PREX1: variants seen among roughly 807,000 people sequenced by gnomAD.
PREX1 encodes the protein phosphatidylinositol-3,4,5-trisphosphate dependent Rac exchange factor 1.
Under a neutral mutation model 198.3 loss-of-function variants are expected in PREX1, and 41 were observed. The observed-to-expected ratio is 0.21, with a 90% confidence interval of 0.16 to 0.27. The LOEUF (loss-of-function observed/expected upper bound fraction) is 0.27. Ranked by LOEUF, PREX1 falls within the 10% of genes least tolerant of loss-of-function variation. The pLI is 1.00. For synonymous variants in PREX1, 843 were observed against 887.2 expected (o/e 0.95, Z 0.89); for missense variants, 1,620 against 2,200.7 (o/e 0.74, Z 5.28).
In PREX1 at chr20:48,747,817, T is replaced by A; in HGVS notation, c.283A>T (p.Asn95Tyr). ...AGCCCCAGCGTCCACACCTTGACAT[T>A]CTCCTCCGTGAGGCCCTTCTCCACT... ...DSVEKGLTEE[N>Y]VKVLFSNIED... Residue 95 changes from asparagine to tyrosine, a missense_variant, in exon 2 of 40, where the codon AAT becomes TAT. By Grantham distance (143) the Asn-to-Tyr change is moderately radical (BLOSUM62 -2). Around this residue, in one of 7 missense-constraint regions of PREX1, gnomAD observed 488 missense variants for 802.5 expected, o/e 0.61. Transcript: ENST00000371941. 1.2e-6 allele frequency: 2 copies of A among 1,613,110 alleles called. No homozygotes were observed. Among genetic ancestry groups the A allele is most frequent in the Non-Finnish European group, 1.7e-6 (2 of 1,179,520 alleles).
At position 48,625,532 on chromosome 20, in the gene PREX1, G is replaced by A. The variant is rs537616327; in HGVS notation, c.*353C>T. On this transcript the variant is annotated 3_prime_UTR_variant, in exon 40 of 40. Transcript: ENST00000371941. Reference sequence around the variant, plus strand: ...TCAAAAGTGCAGGCGGAGCCATCCCGAGGGAGCCGGGTGGCCCCATGTGGC... The same window carrying A: ...TCAAAAGTGCAGGCGGAGCCATCCCAAGGGAGCCGGGTGGCCCCATGTGGC... 23 of 262,194 alleles carry A rather than the reference G, an allele frequency of 8.8e-5. No individual in the cohort carries two copies. The highest frequency in any genetic ancestry group is 2.9e-4 in the African/African-American group (13 of 44,634). 16.2% of individuals were successfully genotyped at this position (262,194 alleles called of 1,614,324 possible).
chr20:48,686,595 A>G (rs2089786172), intron 10 of PREX1, among the ~76,000 whole-genome samples: 1 of 152,060 alleles, frequency 6.6e-6, no homozygotes, highest in Non-Finnish European at 1.5e-5. Flanking sequence ...CCCTCCTGAG[A>G]GAAAAACCTC....
chr20:48,828,529 C>G (rs901756569), upstream of PREX1, among the ~76,000 whole-genome samples: 2 of 144,408 alleles, frequency 1.4e-5, no homozygotes, highest in African/African-American at 5.1e-5. Flanking sequence ...CGACCGCTGC[C>G]TGGGCAGTGA....
intron 1 of PREX1, among the ~76,000 whole-genome samples, chr20:48,815,836 C>A (rs2090456458): frequency 6.6e-6 from 1 of 152,158 alleles, no homozygotes; most frequent in Admixed American, 6.5e-5. Context: ...GTGGCGAAAC[C>A]CTGTCTCTAC....
intron 14 of PREX1, among the ~76,000 whole-genome samples, chr20:48,670,326 G>A (rs932816358): frequency 2.0e-5 from 3 of 149,736 alleles, no homozygotes; most frequent in Non-Finnish European, 4.4e-5. Flanking sequence ...TGAGAACCCT[G>A]CTACCATCAG....
intron 5 of PREX1, among the ~76,000 whole-genome samples, chr20:48,720,576 T>C (rs966986876): frequency 6.6e-6 from 1 of 152,022 alleles, no homozygotes; most frequent in Non-Finnish European, 1.5e-5. Flanking sequence ...TGAGTCACTG[T>C]TTTTTAATGT....
At chr20:48,831,421 G>A (rs774730106), upstream of PREX1, among the ~76,000 whole-genome samples, 2 of 152,154 alleles carry the variant, frequency 1.3e-5, no homozygotes, top group South Asian at 2.1e-4. Context: ...TATAAGTGTC[G>A]GCCACAAGCA....
intron 1 of PREX1, among the ~76,000 whole-genome samples, chr20:48,788,148 T>C (rs1156333882): frequency 6.6e-6 from 1 of 152,194 alleles, no homozygotes; most frequent in African/African-American, 2.4e-5. Context: ...AAGTTTTCTG[T>C]AAGCCGGGAA....
intron 1 of PREX1, among the ~76,000 whole-genome samples, chr20:48,800,974 T>C (rs2090384076): frequency 6.6e-6 from 1 of 152,104 alleles, no homozygotes. Flanking sequence ...CAAATAATTA[T>C]GGGATTTCTA....
At position 48,644,468 on chromosome 20, in the gene PREX1, A is replaced by G. The variant is rs764482891; in HGVS notation, c.3542T>C (p.Leu1181Pro). ...GTTACTTCTCACGCTGGTGTAGGAC[A>G]GGACCGAGTCTCGATTGCTGTTACA... ...SECNSNRDSV[L>P]SYTSVRSNSS... The change falls in exon 27 of 40, where the codon CTG (leucine) becomes CCG (proline). Residue 1181 changes from leucine to proline, a missense_variant. By Grantham distance (98) the Leu-to-Pro change is moderately conservative. Around this residue, in one of 7 missense-constraint regions of PREX1, gnomAD observed 29 missense variants for 26.1 expected, o/e 1.11. Coordinates refer to ENST00000371941, the MANE Select transcript of PREX1 (RefSeq NM_020820.4). The G allele has an allele frequency of 6.2e-7, 1 of 1,613,974 alleles. No individual in the cohort carries two copies. The highest frequency in any genetic ancestry group is 8.5e-7 in the Non-Finnish European group (1 of 1,179,896).
chr20:48,785,064 C>A (rs1224960201), intron 1 of PREX1, among the ~76,000 whole-genome samples: 1 of 152,130 alleles, frequency 6.6e-6, no homozygotes, highest in Non-Finnish European at 1.5e-5. Context: ...CAGGCACCTG[C>A]CACCACACCC....
the PREX1 span, among the ~76,000 whole-genome samples, chr20:48,883,609 A>G: frequency 1.3e-5 from 2 of 152,122 alleles, no homozygotes; most frequent in Non-Finnish European, 2.9e-5. Context: ...GAAAAATCAG[A>G]AAATAAAATT....
chr20:48,803,411 G>T (rs2090396448), intron 1 of PREX1, among the ~76,000 whole-genome samples: 1 of 152,150 alleles, frequency 6.6e-6, no homozygotes, highest in Non-Finnish European at 1.5e-5. Context: ...CTCCCCGAAA[G>T]CCATGCCATC....
At chr20:48,747,992 G>A (rs959289130) in intron 1 of PREX1, 112 bp from the exon 2 acceptor site, 8 of 928,948 alleles carry the variant, frequency 8.6e-6, no homozygotes, top group Middle Eastern at 2.1e-4. Context: ...GAGGTACCAC[G>A]AGTCCAGGGA....
the PREX1 span, among the ~76,000 whole-genome samples, chr20:48,857,175 G>A: frequency 1.3e-5 from 2 of 152,164 alleles, no homozygotes; most frequent in Non-Finnish European, 2.9e-5. Context: ...CACCCATGGT[G>A]TATAAGAGTC....
intron 1 of PREX1, among the ~76,000 whole-genome samples, chr20:48,798,426 T>C (rs900007842): frequency 3.3e-5 from 5 of 152,200 alleles, no homozygotes; most frequent in Non-Finnish European, 7.3e-5. Flanking sequence ...TCTGCTCTGC[T>C]TAAAGCCCTC....
the PREX1 span, among the ~76,000 whole-genome samples, chr20:48,881,813 A>T: frequency 2.6e-5 from 4 of 152,126 alleles, no homozygotes; most frequent in African/African-American, 9.7e-5. Context: ...GTGCAATTCA[A>T]TGGTTTCTTG....
intron 27 of PREX1, 168 bp from the exon 28 acceptor site, chr20:48,642,657 C>A: frequency 1.7e-6 from 1 of 582,430 alleles, no homozygotes; most frequent in Non-Finnish European, 3.0e-6. Flanking sequence ...CACCTGACCT[C>A]TCTGAGCCTC....
At chr20:48,642,295 G>A (rs1294113803) in intron 28 of PREX1, 37 bp from the exon 29 acceptor site, 19 of 1,608,266 alleles carry the variant, frequency 1.2e-5, no homozygotes, top group Middle Eastern at 1.6e-4. Context: ...TTTGGGCCCC[G>A]TGGCCCTACA....
Sources: gnomAD v4.1 joint callset for allele counts (sites outside exome capture counted in the v4.1 genomes callset) on GRCh38, gnomAD v4.1.1 for gene constraint, gnomAD v4.1.1 regional missense constraint, MANE v1.5 for transcripts, NCBI Gene and HGNC (gene_info 2026-07-23, HGNC 2026-07-21) for gene names.